The following MRPS5 variants were observed in gnomAD, a reference collection of about 807,000 sequenced individuals.
The protein encoded by MRPS5 is mitochondrial ribosomal protein S5.
Under a neutral mutation model 51.9 loss-of-function variants are expected in MRPS5, and 27 were observed. The ratio of observed to expected loss-of-function variants is 0.52; its 90% CI spans 0.38 to 0.72. The LOEUF is 0.72. Among genes scored for constraint, MRPS5 ranks in the 30% least tolerant of loss-of-function variants. The probability of loss-of-function intolerance (pLI) is 0.00; values close to 1 mark genes in which losing one functional copy is unlikely to be tolerated. For missense variants in MRPS5, 570 were observed against 545.7 expected (o/e 1.04, Z -0.44); for synonymous variants, 196 against 193.2 (o/e 1.01, Z -0.12).
rs200900150 is a variant in MRPS5 at position 95,101,686 on chromosome 2, A to G, written c.801T>C (p.Ala267=). 6.9e-5 allele frequency: 111 copies of G among 1,598,678 alleles called. No individual in the cohort carries two copies. The African/African-American group carries it at 1.4e-3, about 20-fold the overall frequency. The part of the protein sequence containing the change: ...SIGKATDRMD[A]FRKAKNRAVH... Reference sequence around the variant, plus strand: ...AAAAAAATGTACATACTTTCCTGAAAGCATCCATCCGATCAGTAGCTTTCC... The same window carrying G: ...AAAAAAATGTACATACTTTCCTGAAGGCATCCATCCGATCAGTAGCTTTCC... Residue 267 remains alanine (A), a synonymous_variant, in exon 8 of 12, where the codon GCT becomes GCC. Transcript: ENST00000272418.
intron 10 of MRPS5, among the ~76,000 whole-genome samples, chr2:95,095,283 T>C (rs1424373989): frequency 6.6e-6 from 1 of 152,174 alleles, no homozygotes; most frequent in Non-Finnish European, 1.5e-5. Context: ...AATGGGAGAC[T>C]TTAACACCCC....
Position 95,100,888 on chromosome 2 carries a change from T to G in MRPS5, c.817A>C (p.Asn273His). 1 of 1,608,672 alleles carries G rather than the reference T, an allele frequency of 6.2e-7. No homozygotes were observed. Among genetic ancestry groups the G allele is most frequent in the Non-Finnish European group, 8.5e-7 (1 of 1,178,450 alleles). The change falls in exon 9 of 12, where the codon AAC becomes CAC. Residue 273 changes from asparagine (N) to histidine (H), a missense_variant. By Grantham distance (68) the Asn-to-His change is moderately conservative (BLOSUM62 1). Transcript: ENST00000272418. ...TAATGCAAATGGTGAACTGCTCTGT[T>G]CTTTGCCTGAAAGGAAAATGTTTTT... is the stretch of plus-strand genomic sequence containing the variant. ...DRMDAFRKAK[N>H]RAVHHLHYIE...
At chr2:95,109,386 A>G (rs1442610514) in intron 4 of MRPS5, among the ~76,000 whole-genome samples, 2 of 152,246 alleles carry the variant, frequency 1.3e-5, no homozygotes, top group Non-Finnish European at 2.9e-5. Context: ...AAGCATGAGT[A>G]TAAACAATCA....
chr2:95,088,773 A>G (rs531232543), intron 11 of MRPS5, among the ~76,000 whole-genome samples: 1 of 152,386 alleles, frequency 6.6e-6, no homozygotes, highest in African/African-American at 2.4e-5. Flanking sequence ...ATATCACATA[A>G]AAGAACAAGT....
At chr2:95,101,123 T>C (rs1675788770) in intron 8 of MRPS5, among the ~76,000 whole-genome samples, 1 of 152,032 alleles carries the variant, frequency 6.6e-6, no homozygotes, top group African/African-American at 2.4e-5. Flanking sequence ...GTGGCTCACA[T>C]CTACAATCCC....
chr2:95,110,182 TCATCCTTTGCACA>T, intron 3 of MRPS5, 141 bp from the exon 4 acceptor site: 1 of 1,022,282 alleles, frequency 9.8e-7, no homozygotes, highest in Non-Finnish European at 1.4e-6. Flanking sequence ...CAAAATTAAA[TCATCCTTTGCACA>T]CATCAGACGG....
intron 1 of MRPS5, 128 bp downstream of exon 1, chr2:95,121,606 G>A: frequency 2.9e-6 from 3 of 1,034,820 alleles, no homozygotes; most frequent in East Asian, 3.2e-5. Context: ...GCGGAAGGTG[G>A]GGGCACGGCG....
intron 10 of MRPS5, among the ~76,000 whole-genome samples, chr2:95,099,177 C>CA (rs1321217218): frequency 6.6e-6 from 1 of 151,132 alleles, no homozygotes; most frequent in African/African-American, 2.4e-5. Context: ...CTCAGCCTCT[C>CA]AAAGTGCTGG....
At chr2:95,118,093 G>A (rs752958117) in intron 1 of MRPS5, 148 bp from the exon 2 acceptor site, 5 of 585,148 alleles carry the variant, frequency 8.5e-6, no homozygotes, top group Non-Finnish European at 1.5e-5. Flanking sequence ...TTGTCAAGTA[G>A]CTGACACCAT....
At chr2:95,117,760 G>A in intron 2 of MRPS5, 105 bp downstream of exon 2, 1 of 921,002 alleles carries the variant, frequency 1.1e-6, no homozygotes, top group Non-Finnish European at 1.7e-6. Flanking sequence ...AAAAAGAAAA[G>A]AGAGAAAAGA....
chr2:95,090,690 G>A (rs1675439554), intron 10 of MRPS5, 168 bp from the exon 11 acceptor site: 2 of 632,916 alleles, frequency 3.2e-6, no homozygotes, highest in East Asian at 5.6e-5. Flanking sequence ...TAACTTCCAA[G>A]ATGACACTTA....
At chr2:95,111,333 G>A (rs542623167) in intron 3 of MRPS5, among the ~76,000 whole-genome samples, 8 of 152,180 alleles carry the variant, frequency 5.3e-5, no homozygotes, top group Non-Finnish European at 1.2e-4. Flanking sequence ...ACCTATAAAT[G>A]CCATGGAAAA....
At chr2:95,121,055 T>C (rs763434313) in intron 1 of MRPS5, among the ~76,000 whole-genome samples, 32 of 151,416 alleles carry the variant, frequency 2.1e-4, no homozygotes, top group Non-Finnish European at 4.6e-4. Flanking sequence ...GAGGCGGAGG[T>C]TGCAGTGAGC....
At chr2:95,089,413 T>C (rs1347900274) in intron 11 of MRPS5, among the ~76,000 whole-genome samples, 2 of 152,186 alleles carry the variant, frequency 1.3e-5, no homozygotes, top group African/African-American at 2.4e-5. Flanking sequence ...TTGAACCTGG[T>C]TGTCTTTTCT....
chr2:95,100,422 G>A, intron 10 of MRPS5, 52 bp downstream of exon 10: 1 of 1,348,518 alleles, frequency 7.4e-7, no homozygotes, highest in South Asian at 1.2e-5. Context: ...GGATAGAACT[G>A]TTATAATTTC....
intron 11 of MRPS5, 88 bp from the exon 12 acceptor site, chr2:95,087,669 G>T: frequency 1.8e-6 from 2 of 1,121,152 alleles, no homozygotes; most frequent in Non-Finnish European, 1.3e-6. Context: ...CAACAGTACA[G>T]CCTGGGGGTA....
rs142387972 is a variant in MRPS5, at chr2:95,119,232, T to C, written c.59-1287A>G. On this transcript the variant is annotated intron_variant, in intron 1 of 11. Coordinates refer to ENST00000272418, the MANE Select transcript of MRPS5 (RefSeq NM_031902.5). ...AAAAACAAAAACAAAAGAAAACATA[T>C]ACAAATGGCCATTAGCACATGATAA... Among the ~76,000 whole-genome samples, 73 of 152,108 alleles carry C rather than the reference T, an allele frequency of 4.8e-4. 1 individual carries two copies. Among genetic ancestry groups the C allele is most frequent in the African/African-American group, 1.6e-3 (66 of 41,498 alleles).
intron 3 of MRPS5, 99 bp downstream of exon 3, chr2:95,114,967 C>A: frequency 9.1e-7 from 1 of 1,094,980 alleles, no homozygotes; most frequent in Non-Finnish European, 1.3e-6. Flanking sequence ...GTAAACTAAT[C>A]ACTAAAATCT....
At position 95,121,771 on chromosome 2, in the gene MRPS5, A is replaced by T. The variant is rs1313889593; in HGVS notation, c.21T>A (p.Ala7=). 1.3e-6 allele frequency: 2 copies of T among 1,552,874 alleles called. No homozygotes were observed. The highest frequency in any genetic ancestry group is 1.4e-5 in the African/African-American group (1 of 71,654). ...TACACAGCACGGGGAGGCAGCCCAC[A>T]GCGCGCACCGCGGTCGCCATGCTGG... MATAVR[A]VGCLPVLCSG... Residue 7 remains alanine (A), a synonymous_variant, in exon 1 of 12, where the codon GCT becomes GCA. Transcript: ENST00000272418.
Sources: gnomAD v4.1 joint callset for allele counts (sites outside exome capture counted in the v4.1 genomes callset) on GRCh38, gnomAD v4.1.1 for gene constraint, MANE v1.5 for transcripts, NCBI Gene and HGNC (gene_info 2026-07-23, HGNC 2026-07-21) for gene names.